The following FXN variants were observed in gnomAD, a reference collection of about 807,000 sequenced individuals.
FXN encodes frataxin, mitochondrial.
FXN carries 14 observed loss-of-function variants against 22.4 expected under a neutral mutation model. That is an observed-to-expected ratio of 0.62 (90% CI 0.41 to 0.98). The LOEUF (loss-of-function observed/expected upper bound fraction) is 0.98. Ranked by LOEUF, FXN falls within the 50% of genes least tolerant of loss-of-function variation. The pLI, the probability that FXN is intolerant of heterozygous loss-of-function variation, is 0.00. For missense variants in FXN, 267 were observed against 268.4 expected, an observed-to-expected ratio of 0.99 and a Z score of 0.04; for synonymous variants, 120 against 114.1, an observed-to-expected ratio of 1.05 and a Z score of -0.33.
At chr9:69,067,379 G>C (rs1346564369) in intron 4 of FXN, among the ~76,000 whole-genome samples, 1 of 152,246 alleles carries the variant, frequency 6.6e-6, no homozygotes. Flanking sequence ...GGAAGATCCC[G>C]CAGTTTCGGG....
At position 69,054,440 on chromosome 9, in the gene FXN, T is replaced by C. The variant is rs139156295; in HGVS notation, c.384+1180T>C. Among the ~76,000 whole-genome samples the C allele has an allele frequency of 1.5e-3, 231 of 151,934 alleles. 1 individual carries two copies. The highest frequency in any genetic ancestry group is 3.0e-3 in the Non-Finnish European group (205 of 68,038). The stretch of plus-strand genomic sequence containing the variant: ...TGGGTTTAGAATTATTGCTTAGGCC[T>C]TAAAGTAGTTCTTTTTTGCCAGTGG... On this transcript the variant is annotated intron_variant, in intron 3 of 4. Coordinates refer to ENST00000484259, the MANE Select transcript of FXN (RefSeq NM_000144.5).
At chr9:69,067,006 C>T (rs1390920114) in intron 4 of FXN, among the ~76,000 whole-genome samples, 1 of 152,216 alleles carries the variant, frequency 6.6e-6, no homozygotes, top group Admixed American at 6.5e-5. Context: ...TGCGCCGTTT[C>T]CGGCAGATCC....
At position 69,076,681 on chromosome 9, in the gene FXN, A is replaced by G. The variant is rs545123370; in HGVS notation, c.*3919A>G. ...GTGATGGAGTTTGTGTGGACTAACC[A>G]TGCAAGGTTGCCAAGGAAAAATCGC... On this transcript the variant is annotated 3_prime_UTR_variant, in exon 5 of 5. Transcript: ENST00000484259. The G allele has an allele frequency of 2.8e-5, 28 of 985,454 alleles. No individual in the cohort carries two copies. Among genetic ancestry groups the G allele is most frequent in the Non-Finnish European group, 3.3e-5 (27 of 829,942 alleles). 61.0% of individuals were successfully genotyped at this position (985,454 alleles called of 1,614,324 possible).
At chr9:69,044,686 C>T (rs1831715124) in intron 1 of FXN, among the ~76,000 whole-genome samples, 1 of 152,198 alleles carries the variant, frequency 6.6e-6, no homozygotes, top group Non-Finnish European at 1.5e-5. Flanking sequence ...CCTCCCCTGT[C>T]ACCTCCCCTG....
chr9:69,071,311 A>G (rs1360466792), intron 4 of FXN: 8 of 518,822 alleles, frequency 1.5e-5, no homozygotes, highest in Non-Finnish European at 3.1e-5. Context: ...AAGCCCCAGC[A>G]TTTGGTTGAT....
Position 69,074,695 on chromosome 9 carries a change from T to C in FXN, c.*1933T>C, listed in dbSNP as rs1832335797. ...CAGGAGGATTGCTTGAAGCCAGGAATTGGAGATCAGCCTGGGCAACACAGC... is the reference window on the plus strand; with the variant it reads ...CAGGAGGATTGCTTGAAGCCAGGAACTGGAGATCAGCCTGGGCAACACAGC... On this transcript the variant is annotated 3_prime_UTR_variant, in exon 5 of 5. Transcript: ENST00000484259. 1.0e-6 allele frequency: 1 copy of C among 965,530 alleles called. No homozygotes were observed. The highest frequency in any genetic ancestry group is 1.2e-6 in the Non-Finnish European group (1 of 812,098). The allele number at this position is 965,530 out of a possible 1,614,324, so 59.8% of individuals were successfully genotyped here.
In FXN at chr9:69,052,074, C is replaced by T. The variant is rs551624325; in HGVS notation, c.264-1066C>T. ...TGTCAGCCAGGCTGGTCTTGAACTC[C>T]TGACCTCAGGTGATCCACCCGCCTC... is the stretch of plus-strand genomic sequence containing the variant. On this transcript the variant is annotated intron_variant, in intron 2 of 4. Transcript: ENST00000484259. Among the ~76,000 whole-genome samples the T allele has an allele frequency of 2.2e-3, 333 of 152,104 alleles. 1 individual carries two copies. Among genetic ancestry groups the T allele is most frequent in the Non-Finnish European group, 2.9e-3 (196 of 68,006 alleles).
chr9:69,037,284 A>AGAAGAAGAAG (rs1554758734), intron 1 of FXN, among the ~76,000 whole-genome samples: 4 of 78,052 alleles, frequency 5.1e-5, no homozygotes, highest in South Asian at 4.5e-4. Context: ...AAAAAAAAAA[A>AGAAGAAGAAG]AAGAAGAAGA....
At chr9:69,059,283 C>T (rs1391966633) in intron 3 of FXN, among the ~76,000 whole-genome samples, 1 of 150,638 alleles carries the variant, frequency 6.6e-6, no homozygotes, top group African/African-American at 2.4e-5. Flanking sequence ...TTTAGCTACA[C>T]TTAAGTTAAC....
intron 2 of FXN, among the ~76,000 whole-genome samples, chr9:69,047,919 T>A (rs1014821221): frequency 6.6e-5 from 10 of 152,140 alleles, no homozygotes; most frequent in African/African-American, 2.4e-4. Flanking sequence ...GGTTTCACCA[T>A]GTTGGCCAGG....
intron 3 of FXN, among the ~76,000 whole-genome samples, chr9:69,055,284 A>G (rs966258868): frequency 1.3e-5 from 2 of 152,168 alleles, no homozygotes; most frequent in Middle Eastern, 3.2e-3. Flanking sequence ...CCTAGCCTCT[A>G]CTAGAGCCTG....
At chr9:69,072,046 T>C (rs1331388228) in intron 4 of FXN, among the ~76,000 whole-genome samples, 1 of 152,220 alleles carries the variant, frequency 6.6e-6, no homozygotes, top group Non-Finnish European at 1.5e-5. Flanking sequence ...GATTTTGGTA[T>C]CTGCAGATCC....
chr9:69,068,296 A>G (rs865975223), intron 4 of FXN, among the ~76,000 whole-genome samples: 1 of 152,242 alleles, frequency 6.6e-6, no homozygotes, highest in Non-Finnish European at 1.5e-5. Context: ...AAGGCATTGC[A>G]TAAATAATGT....
intron 2 of FXN, among the ~76,000 whole-genome samples, chr9:69,049,636 T>C (rs1040947941): frequency 1.3e-5 from 2 of 152,330 alleles, no homozygotes; most frequent in East Asian, 3.9e-4. Context: ...ATTATAATAA[T>C]ATTTTTATTG....
At chr9:69,065,716 A>G (rs925310683) in intron 4 of FXN, among the ~76,000 whole-genome samples, 2 of 152,192 alleles carry the variant, frequency 1.3e-5, no homozygotes, top group Non-Finnish European at 2.9e-5. Flanking sequence ...TGAAGTGAGT[A>G]GCTTATAACT....
Position 69,077,313 on chromosome 9 carries a change from G to A in FXN, c.*4551G>A, listed in dbSNP as rs1832388802. 1 of 985,264 alleles carries A rather than the reference G, an allele frequency of 1.0e-6. No individual in the cohort carries two copies. The highest frequency in any genetic ancestry group is 1.2e-6 in the Non-Finnish European group (1 of 829,918). 61.0% of individuals were successfully genotyped at this position (985,264 alleles called of 1,614,324 possible). A position where few individuals can be genotyped will look rare whatever the true frequency, so the allele number is the denominator to read the frequency against. On this transcript the variant is annotated 3_prime_UTR_variant, in exon 5 of 5. Transcript: ENST00000484259. ...GCCCCTTTGGAATGTGTAAAACTCA[G>A]CTCACTTATATCCCTGCATCCGCTA...
chr9:69,060,675 T>C (rs1203260164), intron 3 of FXN, among the ~76,000 whole-genome samples: 2 of 152,210 alleles, frequency 1.3e-5, no homozygotes, highest in Non-Finnish European at 2.9e-5. Flanking sequence ...AAAAAATCTA[T>C]TTACAGTGAA....
chr9:69,062,767 A>G (rs1191618879), intron 3 of FXN, among the ~76,000 whole-genome samples: 1 of 152,152 alleles, frequency 6.6e-6, no homozygotes, highest in Non-Finnish European at 1.5e-5. Context: ...ATAGAGTTTC[A>G]GTGTTACAAG....
At chr9:69,063,103 G>T (rs1832106036) in intron 3 of FXN, among the ~76,000 whole-genome samples, 1 of 152,142 alleles carries the variant, frequency 6.6e-6, no homozygotes, top group Non-Finnish European at 1.5e-5. Flanking sequence ...CAGGGACTGA[G>T]TCAGAGGATC....
Sources: gnomAD v4.1 joint callset for allele counts (sites outside exome capture counted in the v4.1 genomes callset) on GRCh38, gnomAD v4.1.1 for gene constraint, MANE v1.5 for transcripts, NCBI Gene and HGNC (gene_info 2026-07-23, HGNC 2026-07-21) for gene names.